ANXA8: variants seen among roughly 807,000 people sequenced by gnomAD.
ANXA8 encodes VAC-beta.
Under a neutral mutation model 26.8 loss-of-function variants are expected in ANXA8, and 9 were observed. The observed-to-expected ratio is 0.34, with a 90% CI of 0.20 to 0.59. The LOEUF (loss-of-function observed/expected upper bound fraction) is 0.59. Among genes scored for constraint, ANXA8 ranks in the 20% least tolerant of loss-of-function variants. The probability of loss-of-function intolerance (pLI) is 0.84; values close to 1 mark genes in which losing one functional copy is unlikely to be tolerated. For synonymous variants in ANXA8, 39 were observed against 94.8 expected (o/e 0.41, Z 3.42); for missense variants, 83 against 238.5 (o/e 0.35, Z 4.29).
the ANXA8 span, among the ~76,000 whole-genome samples, chr10:47,702,317 C>T: frequency 6.0e-5 from 9 of 150,888 alleles, no homozygotes; most frequent in South Asian, 2.1e-4. Flanking sequence ...CCCAGATCTT[C>T]GTCTGTAAAC....
At chr10:47,679,528 T>C in the ANXA8 span, among the ~76,000 whole-genome samples, 1 of 152,040 alleles carries the variant, frequency 6.6e-6, no homozygotes, top group Non-Finnish European at 1.5e-5. Flanking sequence ...GGTGGGAGGA[T>C]TGCTTGAACT....
At chr10:47,685,209 G>A in the ANXA8 span, among the ~76,000 whole-genome samples, 33 of 151,220 alleles carry the variant, frequency 2.2e-4, no homozygotes, top group Non-Finnish European at 5.9e-5. Flanking sequence ...AGCTGGGCAT[G>A]GTGGTGCATG....
At chr10:47,979,697 C>T in the ANXA8 span, among the ~76,000 whole-genome samples, 1 of 149,752 alleles carries the variant, frequency 6.7e-6, no homozygotes, top group East Asian at 2.0e-4. Flanking sequence ...ACCATTGCTG[C>T]CTTTGAGGAT....
intron 1 of ANXA8, among the ~76,000 whole-genome samples, chr10:47,482,097 C>G (rs1839842303): frequency 7.2e-6 from 1 of 138,586 alleles, no homozygotes; most frequent in Non-Finnish European, 1.5e-5. Context: ...AGATCTCTCT[C>G]CAGTGGCTCC....
the ANXA8 span, among the ~76,000 whole-genome samples, chr10:47,643,442 C>T: frequency 2.7e-5 from 4 of 145,834 alleles, 1 homozygote; most frequent in African/African-American, 1.1e-4. Context: ...GGCAGGAGAA[C>T]CGCTTGAACC....
chr10:47,510,047 G>C, the ANXA8 span: 1 of 1,496,456 alleles, frequency 6.7e-7, no homozygotes, highest in Non-Finnish European at 8.9e-7. Flanking sequence ...TTAATATTCA[G>C]AATCTGAATA....
chr10:47,560,150 A>C, the ANXA8 span, among the ~76,000 whole-genome samples: 1 of 151,780 alleles, frequency 6.6e-6, no homozygotes, highest in Admixed American at 6.6e-5. Context: ...CTGGTTCCTA[A>C]TTTTTAGTAA....
the ANXA8 span, among the ~76,000 whole-genome samples, chr10:47,621,976 G>A: frequency 2.8e-5 from 3 of 107,108 alleles, 1 homozygote; most frequent in Non-Finnish European, 4.0e-5. Flanking sequence ...ACAACAAGAC[G>A]TGGGGGAATA....
the ANXA8 span, among the ~76,000 whole-genome samples, chr10:47,528,263 T>C: frequency 7.0e-6 from 1 of 142,714 alleles, no homozygotes. Flanking sequence ...GTATTTTTAG[T>C]AAAGATGGGG....
At chr10:47,558,529 ATGTGTGTGTGTGTGTGTGTGTG>A in the ANXA8 span, among the ~76,000 whole-genome samples, 3 of 141,488 alleles carry the variant, frequency 2.1e-5, no homozygotes, top group Non-Finnish European at 4.6e-5. Flanking sequence ...GGGTTTTAAG[ATGTGTGTGTGTGTGTGTGTGTG>A]TGTGTGTGTG....
chr10:47,733,253 T>TTCTCTTTCTTTCTC, the ANXA8 span, among the ~76,000 whole-genome samples: 456 of 101,644 alleles, frequency 4.5e-3, 2 homozygotes, highest in Non-Finnish European at 6.2e-3. Context: ...CTTTCTTTCT[T>TTCTCTTTCTTTCTC]TCTTTCTTTC....
the ANXA8 span, among the ~76,000 whole-genome samples, chr10:47,511,263 C>T: frequency 7.7e-5 from 11 of 142,230 alleles, 2 homozygotes; most frequent in South Asian, 2.2e-4. Flanking sequence ...TTATTTACTA[C>T]GATAAAATGT....
At chr10:47,657,874 A>G in the ANXA8 span, among the ~76,000 whole-genome samples, 1 of 151,270 alleles carries the variant, frequency 6.6e-6, no homozygotes, top group Admixed American at 6.6e-5. Context: ...ACATAGACCT[A>G]TTTATTGGCT....
At chr10:47,666,200 C>A in the ANXA8 span, among the ~76,000 whole-genome samples, 1 of 145,268 alleles carries the variant, frequency 6.9e-6, no homozygotes, top group Admixed American at 6.9e-5. Flanking sequence ...CATCCCCCAC[C>A]CCCCGCCTCC....
At chr10:47,694,417 C>CTTTTTT in the ANXA8 span, among the ~76,000 whole-genome samples, 5 of 107,962 alleles carry the variant, frequency 4.6e-5, no homozygotes, top group Non-Finnish European at 7.1e-5. Flanking sequence ...AGAAATCTTC[C>CTTTTTT]TTTTTTTTTT....
At chr10:47,685,134 G>T in the ANXA8 span, among the ~76,000 whole-genome samples, 1 of 150,198 alleles carries the variant, frequency 6.7e-6, no homozygotes, top group Non-Finnish European at 1.5e-5. Context: ...ATCAGCTGAG[G>T]TTGGGAGTTC....
At chr10:47,513,641 A>G in the ANXA8 span, among the ~76,000 whole-genome samples, 1 of 140,424 alleles carries the variant, frequency 7.1e-6, no homozygotes, top group African/African-American at 2.6e-5. Flanking sequence ...AAACTATACT[A>G]TAAGGCCATA....
chr10:47,737,286 A>G, the ANXA8 span, among the ~76,000 whole-genome samples: 2 of 151,776 alleles, frequency 1.3e-5, no homozygotes, highest in Non-Finnish European at 2.9e-5. Context: ...TCTTCAAAAA[A>G]TTTTCTGAAA....
At chr10:47,951,558 C>T in the ANXA8 span, among the ~76,000 whole-genome samples, 3 of 150,568 alleles carry the variant, frequency 2.0e-5, no homozygotes, top group Non-Finnish European at 2.9e-5. Context: ...GCCTGTAATC[C>T]CAGCACTTTG....
Sources: allele counts gnomAD v4.1 joint callset (sites outside exome capture counted in the v4.1 genomes callset), GRCh38; gene constraint gnomAD v4.1.1; transcripts MANE v1.5; gene names NCBI Gene and HGNC (gene_info 2026-07-23, HGNC 2026-07-21).